The following CACNA2D3 variants were observed in gnomAD, a reference collection of about 807,000 sequenced individuals.
The protein encoded by CACNA2D3 is voltage-dependent calcium channel subunit alpha-2/delta-3.
In CACNA2D3, 60 loss-of-function variants were observed where a neutral mutation model predicts 160.6. The ratio of observed to expected loss-of-function variants is 0.37; its 90% CI spans 0.30 to 0.46. CACNA2D3 has a LOEUF of 0.46. Ranked by LOEUF, CACNA2D3 falls within the 20% of genes least tolerant of loss-of-function variation. The pLI is 1.00. For synonymous variants in CACNA2D3, 558 were observed against 492.9 expected (o/e 1.13, Z -1.75); for missense variants, 1,205 against 1,365.0 (o/e 0.88, Z 1.85).
chr3:54,929,622 CCTT>C (rs72381013), intron 27 of CACNA2D3, among the ~76,000 whole-genome samples: 19,835 of 152,118 alleles, frequency 0.13, 1,307 homozygotes, highest in Middle Eastern at 0.16. Context: ...CATCTTTTGT[CCTT>C]CTCTCCAACA....
At chr3:54,461,586 C>G (rs7430384) in intron 4 of CACNA2D3, among the ~76,000 whole-genome samples, 10,224 of 151,078 alleles carry the variant, frequency 0.068, 762 homozygotes, top group African/African-American at 0.17. Flanking sequence ...AGTATTCTCT[C>G]ATGATAGTTT....
chr3:54,934,673 G>T lies in CACNA2D3; in HGVS notation c.2450-33777G>T, dbSNP rs957303889. 5.3e-5 allele frequency among the ~76,000 whole-genome samples: 8 copies of T among 152,134 alleles called. No homozygotes were observed. The South Asian group carries it at 1.0e-3, about 20-fold the overall frequency. On this transcript the variant is annotated intron_variant, in intron 27 of 37. Transcript: ENST00000474759. ...GCCAGGTTCTGTGTAGACTAGAAAA[G>T]ATATTGCATACTGGTTCCTGGTCTT...
At chr3:54,837,120 A>T in intron 14 of CACNA2D3, 39 bp from the exon 15 acceptor site, 1 of 1,597,254 alleles carries the variant, frequency 6.3e-7, no homozygotes, top group Non-Finnish European at 8.6e-7. Flanking sequence ...TGTGGTTTCC[A>T]GACCGTTCCC....
intron 3 of CACNA2D3, among the ~76,000 whole-genome samples, chr3:54,321,502 A>G (rs1290673316): frequency 6.6e-6 from 1 of 152,158 alleles, no homozygotes; most frequent in Non-Finnish European, 1.5e-5. Flanking sequence ...TATATTTATA[A>G]TGGATCAACC....
intron 13 of CACNA2D3, among the ~76,000 whole-genome samples, chr3:54,806,282 A>G (rs1703120218): frequency 6.6e-6 from 1 of 152,192 alleles, no homozygotes; most frequent in Non-Finnish European, 1.5e-5. Flanking sequence ...TGCAGACGAC[A>G]TGATTGTATA....
chr3:54,945,232 G>A (rs937385758), intron 27 of CACNA2D3, among the ~76,000 whole-genome samples: 1 of 152,200 alleles, frequency 6.6e-6, no homozygotes, highest in African/African-American at 2.4e-5. Flanking sequence ...GTTGGTGTCT[G>A]TGGCATGTGC....
chr3:54,854,881 A>G (rs1575512950), intron 17 of CACNA2D3, among the ~76,000 whole-genome samples: 2 of 152,220 alleles, frequency 1.3e-5, no homozygotes, highest in South Asian at 4.1e-4. Flanking sequence ...CCAAGAAGAC[A>G]GCTATAGATA....
intron 2 of CACNA2D3, among the ~76,000 whole-genome samples, chr3:54,290,419 G>A (rs1192464943): frequency 6.6e-6 from 1 of 152,308 alleles, no homozygotes; most frequent in East Asian, 1.9e-4. Flanking sequence ...ACAGGTGCTG[G>A]AGAGGATGTG....
At chr3:54,455,571 T>C (rs1233325688) in intron 4 of CACNA2D3, among the ~76,000 whole-genome samples, 1 of 152,278 alleles carries the variant, frequency 6.6e-6, no homozygotes, top group East Asian at 1.9e-4. Flanking sequence ...AGAAGTATTT[T>C]AGTTTGATAT....
intron 9 of CACNA2D3, among the ~76,000 whole-genome samples, chr3:54,617,544 A>G (rs1194144079): frequency 6.6e-6 from 1 of 152,232 alleles, no homozygotes; most frequent in Non-Finnish European, 1.5e-5. Context: ...TGATAGCAAT[A>G]TTGCTGAAAC....
intron 11 of CACNA2D3, among the ~76,000 whole-genome samples, chr3:54,654,958 C>A (rs1202754034): frequency 6.6e-6 from 1 of 152,116 alleles, no homozygotes; most frequent in Non-Finnish European, 1.5e-5. Context: ...CCAGGCAGAC[C>A]CTAGCCAGGA....
intron 11 of CACNA2D3, among the ~76,000 whole-genome samples, chr3:54,661,757 A>G (rs536496959): frequency 6.6e-6 from 1 of 152,076 alleles, no homozygotes; most frequent in Non-Finnish European, 1.5e-5. Flanking sequence ...AGAGGTGGTA[A>G]AAGGCTGACT....
rs553887707 is a variant in CACNA2D3, at chr3:54,542,219, G to A, written c.545-20581G>A. On this transcript the variant is annotated intron_variant, in intron 5 of 37. Transcript: ENST00000474759. ...TGGGATTACAGGCACGTACCACCAC[G>A]CCCAGCTCATTTTTATATTTTTAGG... Among the ~76,000 whole-genome samples, 118 of 151,898 alleles carry A rather than the reference G, an allele frequency of 7.8e-4. 1 individual carries two copies. Among genetic ancestry groups the A allele is most frequent in the Middle Eastern group, 3.4e-3 (1 of 294 alleles).
At chr3:54,550,899 T>G (rs1382066217) in intron 5 of CACNA2D3, among the ~76,000 whole-genome samples, 1 of 152,176 alleles carries the variant, frequency 6.6e-6, no homozygotes, top group Admixed American at 6.5e-5. Flanking sequence ...ACATCCTCTC[T>G]GTGTCCCACT....
rs1241641998 is a variant in CACNA2D3, at chr3:54,497,793, G to A, written c.382-5699G>A. On this transcript the variant is annotated intron_variant, in intron 4 of 37. Transcript: ENST00000474759. ...TTTTTCCTTATTTCAAATTTCCTGA[G>A]GGTTTTTATGATGAACAAAAATTGA... 2.0e-5 allele frequency among the ~76,000 whole-genome samples: 3 copies of A among 151,862 alleles called. No individual in the cohort carries two copies. In the East Asian group the frequency reaches 5.8e-4, roughly 29 times the overall value.
intron 26 of CACNA2D3, among the ~76,000 whole-genome samples, chr3:54,897,637 T>C (rs900890965): frequency 6.6e-6 from 1 of 152,224 alleles, no homozygotes; most frequent in Non-Finnish European, 1.5e-5. Flanking sequence ...TCTGTAGTTA[T>C]ATTTTACATA....
intron 26 of CACNA2D3, 117 bp from the exon 27 acceptor site, chr3:54,899,671 G>C (rs1700280866): frequency 1.3e-6 from 1 of 747,682 alleles, no homozygotes; most frequent in Non-Finnish European, 2.2e-6. Flanking sequence ...TCTGGGGCCT[G>C]GGACCAAGCC....
intron 4 of CACNA2D3, among the ~76,000 whole-genome samples, chr3:54,422,703 G>A (rs1310285095): frequency 6.6e-6 from 1 of 152,100 alleles, no homozygotes; most frequent in Admixed American, 6.6e-5. Flanking sequence ...TGTTGGTAAG[G>A]GCCTGGGGAA....
chr3:54,853,890 G>A (rs935488910), intron 17 of CACNA2D3, among the ~76,000 whole-genome samples: 9 of 152,104 alleles, frequency 5.9e-5, no homozygotes, highest in Admixed American at 1.3e-4. Flanking sequence ...GGGGAGTTGG[G>A]CCTAGCATTG....
Sources: allele counts gnomAD v4.1 joint callset (sites outside exome capture counted in the v4.1 genomes callset), GRCh38; gene constraint gnomAD v4.1.1; transcripts MANE v1.5; gene names NCBI Gene and HGNC (gene_info 2026-07-23, HGNC 2026-07-21).